Variants in CBFA2T2 observed in about 807,000 individuals in gnomAD.
CBFA2T2 encodes protein CBFA2T2.
CBFA2T2 carries 11 observed loss-of-function variants against 62.2 expected under a neutral mutation model. The observed-to-expected ratio is 0.18, with a 90% CI of 0.11 to 0.29. The LOEUF (loss-of-function observed/expected upper bound fraction) is 0.29. Among genes scored for constraint, CBFA2T2 ranks in the 10% least tolerant of loss-of-function variants. CBFA2T2 has a pLI of 1.00. For missense variants in CBFA2T2, 592 were observed against 774.1 expected (o/e 0.76, Z 2.79); for synonymous variants, 295 against 287.5 (o/e 1.03, Z -0.27).
chr20:33,566,735 G>T (rs2013332032), intron 1 of CBFA2T2, among the ~76,000 whole-genome samples: 1 of 152,208 alleles, frequency 6.6e-6, no homozygotes, highest in African/African-American at 2.4e-5. Context: ...GACTTCTCAT[G>T]TTTGGAAGGA....
At position 33,502,628 on chromosome 20, in the gene CBFA2T2, C is replaced by T. The variant is rs185111248; in HGVS notation, c.34+12327C>T. On this transcript the variant is annotated intron_variant, in intron 1 of 10. Transcript: ENST00000342704. Reference sequence around the variant, plus strand: ...CCGTGTTAGCCAGGATGGTCTGGATCTCCTGACCTTGTGATCTGCCTGCCT... The same window carrying T: ...CCGTGTTAGCCAGGATGGTCTGGATTTCCTGACCTTGTGATCTGCCTGCCT... Among the ~76,000 whole-genome samples, 1,457 of 151,050 alleles carry T rather than the reference C, an allele frequency of 9.6e-3. 19 individuals are homozygous for T. Among genetic ancestry groups the T allele is most frequent in the African/African-American group, 0.032 (1,336 of 41,244 alleles).
rs184862783 is a variant in CBFA2T2, at chr20:33,644,790, T to C, written c.*144T>C. ...GCAGGAAGAGTCCAAGCCTGAATAA[T>C]AACACCCCACAGCCTCTCTGTGCAC... On this transcript the variant is annotated 3_prime_UTR_variant, in exon 11 of 11. Transcript: ENST00000342704. 1.5e-3 allele frequency: 1,214 copies of C among 826,280 alleles called. 29 individuals are homozygous for C. The East Asian group carries it at 0.03, about 21-fold the overall frequency. The allele number at this position is 826,280 out of a possible 1,614,324, so 51.2% of individuals were successfully genotyped here.
At chr20:33,624,666 G>C (rs1426547526) in intron 5 of CBFA2T2, 98 bp from the exon 6 acceptor site, 5 of 1,356,664 alleles carry the variant, frequency 3.7e-6, no homozygotes, top group Non-Finnish European at 5.1e-6. Context: ...GTTTATGCCA[G>C]CATGTAGCAA....
At chr20:33,494,232 CATATATATGTGTATAT>C (rs1333576792) in intron 1 of CBFA2T2, among the ~76,000 whole-genome samples, 19 of 60,036 alleles carry the variant, frequency 3.2e-4, no homozygotes, top group African/African-American at 1.0e-3. Context: ...ATGTATTAGG[CATATATATGTGTATAT>C]ATATATATAT....
intron 1 of CBFA2T2, among the ~76,000 whole-genome samples, chr20:33,602,448 A>G (rs2015175315): frequency 6.6e-6 from 1 of 151,346 alleles, no homozygotes; most frequent in African/African-American, 2.4e-5. Context: ...AAAAAAAAAA[A>G]AAAAACTCAA....
At chr20:33,499,825 G>C (rs1306987166) in intron 1 of CBFA2T2, among the ~76,000 whole-genome samples, 1 of 151,570 alleles carries the variant, frequency 6.6e-6, no homozygotes, top group Non-Finnish European at 1.5e-5. Flanking sequence ...TCAGAAAAAA[G>C]AAAAAAAGAA....
intron 1 of CBFA2T2, among the ~76,000 whole-genome samples, chr20:33,566,422 G>A (rs1600979600): frequency 6.6e-6 from 1 of 151,878 alleles, no homozygotes; most frequent in South Asian, 2.1e-4. Context: ...CCTGGCCAAC[G>A]TGGCGAAACC....
At chr20:33,545,439 C>CTCTTTCCT (rs1555833709) in intron 1 of CBFA2T2, among the ~76,000 whole-genome samples, 1 of 148,146 alleles carries the variant, frequency 6.8e-6, no homozygotes, top group African/African-American at 2.6e-5. Context: ...CTCTTTCTTT[C>CTCTTTCCT]TCTTTCTTTC....
Position 33,540,136 on chromosome 20 carries a change from C to G in CBFA2T2, c.34+49835C>G, listed in dbSNP as rs564005052. 1.0e-3 allele frequency among the ~76,000 whole-genome samples: 157 copies of G among 152,242 alleles called. 1 individual carries two copies. Among genetic ancestry groups the G allele is most frequent in the African/African-American group, 3.7e-3 (154 of 41,528 alleles). On this transcript the variant is annotated intron_variant, in intron 1 of 10. Coordinates refer to ENST00000342704, the MANE Select transcript of CBFA2T2 (RefSeq NM_001032999.3). ...CAAACAAGGAGGGTTGCTCATAAAA[C>G]AGAATGGGAGTTTGGTAACTATAAA...
intron 8 of CBFA2T2, among the ~76,000 whole-genome samples, chr20:33,633,582 A>C (rs1326528335): frequency 2.6e-5 from 4 of 152,150 alleles, no homozygotes; most frequent in Admixed American, 2.0e-4. Flanking sequence ...TCACAAATAG[A>C]TTTTGTTCAG....
intron 5 of CBFA2T2, chr20:33,623,920 G>T (rs1601087547): frequency 1.5e-6 from 1 of 652,676 alleles, no homozygotes; most frequent in East Asian, 2.8e-5. Context: ...GTACAGTTCT[G>T]CCTTTTCCTT....
chr20:33,623,073 G>T (rs1358051288), intron 4 of CBFA2T2, 42 bp from the exon 5 acceptor site: 4 of 1,606,326 alleles, frequency 2.5e-6, no homozygotes, highest in South Asian at 1.1e-5. Flanking sequence ...GAGCCTTCTT[G>T]TGTAGGGCCT....
chr20:33,572,920 A>C (rs17124781), intron 1 of CBFA2T2, among the ~76,000 whole-genome samples: 7,714 of 152,314 alleles, frequency 0.051, 513 homozygotes, highest in Admixed American at 0.16. Flanking sequence ...CCAGAAGTGA[A>C]AAGTGACAAG....
At chr20:33,510,449 G>A (rs1294525745) in intron 1 of CBFA2T2, among the ~76,000 whole-genome samples, 1 of 151,392 alleles carries the variant, frequency 6.6e-6, no homozygotes, top group Non-Finnish European at 1.5e-5. Context: ...CTGACCTCGT[G>A]ATCCGCCCGC....
intron 6 of CBFA2T2, among the ~76,000 whole-genome samples, chr20:33,627,387 C>T (rs1450254013): frequency 2.0e-5 from 3 of 151,732 alleles, no homozygotes; most frequent in East Asian, 1.9e-4. Flanking sequence ...CAGAGTGAGA[C>T]TCCGTCAAGG....
At chr20:33,603,358 A>G (rs2015213467) in intron 1 of CBFA2T2, among the ~76,000 whole-genome samples, 1 of 152,224 alleles carries the variant, frequency 6.6e-6, no homozygotes, top group Admixed American at 6.5e-5. Context: ...TTATTCAGAC[A>G]TACTTTTCCA....
At chr20:33,537,866 G>A (rs943298456) in intron 1 of CBFA2T2, among the ~76,000 whole-genome samples, 8 of 152,002 alleles carry the variant, frequency 5.3e-5, no homozygotes, top group African/African-American at 1.9e-4. Context: ...CTTTATGCCT[G>A]TACCACACTG....
intron 1 of CBFA2T2, among the ~76,000 whole-genome samples, chr20:33,554,030 G>A (rs2012817724): frequency 6.6e-6 from 1 of 151,918 alleles, no homozygotes; most frequent in Non-Finnish European, 1.5e-5. Flanking sequence ...TTGGTTTTGG[G>A]ATAGATTAAA....
At chr20:33,554,112 C>T (rs2012819262) in intron 1 of CBFA2T2, among the ~76,000 whole-genome samples, 1 of 151,980 alleles carries the variant, frequency 6.6e-6, no homozygotes, top group Non-Finnish European at 1.5e-5. Context: ...GCTTGAAATA[C>T]CATATAATAT....
Sources: allele counts gnomAD v4.1 joint callset (sites outside exome capture counted in the v4.1 genomes callset), GRCh38; gene constraint gnomAD v4.1.1; transcripts MANE v1.5; gene names NCBI Gene and HGNC (gene_info 2026-07-23, HGNC 2026-07-21).